CATSPERE: variants seen among roughly 807,000 people sequenced by gnomAD.
CATSPERE encodes cation channel sperm-associated auxiliary subunit epsilon.
Under a neutral mutation model 114.1 loss-of-function variants are expected in CATSPERE, and 93 were observed. The ratio of observed to expected loss-of-function variants is 0.81; its 90% confidence interval spans 0.69 to 0.97. CATSPERE has a LOEUF of 0.97. Among genes scored for constraint, CATSPERE ranks in the 50% least tolerant of loss-of-function variants. The pLI, the probability that CATSPERE is intolerant of heterozygous loss-of-function variation, is 0.00. For synonymous variants in CATSPERE, 341 were observed against 384.1 expected, an observed-to-expected ratio of 0.89 and a Z score of 1.31; for missense variants, 1,058 against 1,131.6, an observed-to-expected ratio of 0.93 and a Z score of 0.93.
upstream of CATSPERE, among the ~76,000 whole-genome samples, chr1:244,453,224 C>G (rs534406628): frequency 1.3e-5 from 2 of 152,300 alleles, no homozygotes; most frequent in Admixed American, 1.3e-4. Flanking sequence ...TACAAGATCA[C>G]AAACATTTTG....
At chr1:244,622,761 C>T (rs368598160) in intron 20 of CATSPERE, among the ~76,000 whole-genome samples, 1 of 152,250 alleles carries the variant, frequency 6.6e-6, no homozygotes, top group Non-Finnish European at 1.5e-5. Context: ...GGGAGAAACA[C>T]CTCCAAATCT....
intron 20 of CATSPERE, among the ~76,000 whole-genome samples, chr1:244,619,176 TAAC>T (rs1408823690): frequency 6.6e-6 from 1 of 152,194 alleles, no homozygotes; most frequent in African/African-American, 2.4e-5. Context: ...GATAAAAAGT[TAAC>T]AATACGGATG....
At chr1:244,588,193 C>CAAAAAAAAA (rs34464391) in intron 13 of CATSPERE, among the ~76,000 whole-genome samples, 1 of 107,984 alleles carries the variant, frequency 9.3e-6, no homozygotes, top group African/African-American at 3.5e-5. Flanking sequence ...GACTTCATCT[C>CAAAAAAAAA]AAAAAAAAAA....
chr1:244,621,315 AATATATATATATAT>A (rs201672348), intron 20 of CATSPERE, among the ~76,000 whole-genome samples: 313 of 26,332 alleles, frequency 0.012, 23 homozygotes, highest in Middle Eastern at 0.029. Context: ...AAATATATAA[AATATATATATATAT>A]ATATATATAT....
chr1:244,570,572 TTC>T (rs1271114036), intron 10 of CATSPERE, among the ~76,000 whole-genome samples: 1 of 152,248 alleles, frequency 6.6e-6, no homozygotes, highest in African/African-American at 2.4e-5. Flanking sequence ...CTATGAATTT[TTC>T]TCTGTGTGGC....
chr1:244,464,804 G>A (rs1388550181), intron 2 of CATSPERE, among the ~76,000 whole-genome samples: 3 of 151,846 alleles, frequency 2.0e-5, no homozygotes, highest in African/African-American at 4.8e-5. Context: ...TCTATTACCT[G>A]TTCATACCCT....
chr1:244,617,527 A>G lies in CATSPERE; in HGVS notation c.2491-2A>G. On this transcript the variant is annotated splice_acceptor_variant, in intron 19 of 21. Transcript: ENST00000366534. LOFTEE classifies it high-confidence loss of function. ...AAATTTTTGTCTTTGTTTCTTGTTC[A>G]GAACTATAAACACTGTTTTTCTTAT... 8 of 1,492,646 alleles carry G rather than the reference A, an allele frequency of 5.4e-6. No individual in the cohort carries two copies. The highest frequency in any genetic ancestry group is 7.1e-6 in the Non-Finnish European group (8 of 1,127,336). 92.5% of individuals were successfully genotyped at this position (1,492,646 alleles called of 1,614,324 possible).
chr1:244,584,818 C>A (rs150905696), intron 13 of CATSPERE, among the ~76,000 whole-genome samples: 1 of 152,116 alleles, frequency 6.6e-6, no homozygotes, highest in Non-Finnish European at 1.5e-5. Context: ...CTGAGGCAGA[C>A]GTGATCCATC....
chr1:244,462,491 G>A (rs1312170966), intron 1 of CATSPERE, among the ~76,000 whole-genome samples: 1 of 152,070 alleles, frequency 6.6e-6, no homozygotes, highest in Non-Finnish European at 1.5e-5. Flanking sequence ...GCCAGGAAAG[G>A]TCATTTCATC....
At chr1:244,617,784 T>G in intron 20 of CATSPERE, 98 bp downstream of exon 20, 1 of 1,063,488 alleles carries the variant, frequency 9.4e-7, no homozygotes, top group Non-Finnish European at 1.3e-6. Context: ...ATTGTTATTC[T>G]TGTTATTTAC....
At position 244,594,859 on chromosome 1, in the gene CATSPERE, G is replaced by A. The variant is rs150396563; in HGVS notation, c.2303+1281G>A. ...TGGCACTTCTAAGACTCTACCATGT[G>A]CCCTTTCCATCTTAAATCATACTCC... On this transcript the variant is annotated intron_variant, in intron 17 of 21. Transcript: ENST00000366534. 1.4e-3 allele frequency among the ~76,000 whole-genome samples: 213 copies of A among 152,238 alleles called. No homozygotes were observed. In the East Asian group the frequency reaches 0.024, roughly 17 times the overall value.
At chr1:244,520,617 T>G (rs899681420) in intron 8 of CATSPERE, among the ~76,000 whole-genome samples, 5 of 150,860 alleles carry the variant, frequency 3.3e-5, no homozygotes, top group Non-Finnish European at 7.4e-5. Flanking sequence ...CTGTGTGGAG[T>G]CTCGGCAGAG....
intron 7 of CATSPERE, among the ~76,000 whole-genome samples, chr1:244,511,405 T>A (rs1460725333): frequency 1.3e-5 from 2 of 152,206 alleles, no homozygotes; most frequent in South Asian, 2.1e-4. Flanking sequence ...TGTTTTTTTT[T>A]AATCCATTCA....
At chr1:244,579,275 C>G (rs531042765) in intron 11 of CATSPERE, among the ~76,000 whole-genome samples, 1 of 152,270 alleles carries the variant, frequency 6.6e-6, no homozygotes, top group East Asian at 1.9e-4. Flanking sequence ...TGGTTTATTA[C>G]TGCACCTTTA....
intron 2 of CATSPERE, among the ~76,000 whole-genome samples, chr1:244,475,126 A>G (rs1669103268): frequency 1.3e-5 from 2 of 150,580 alleles, no homozygotes; most frequent in South Asian, 2.1e-4. Context: ...ATAAATTTCT[A>G]TTTTTTCTCT....
intron 1 of CATSPERE, among the ~76,000 whole-genome samples, chr1:244,462,730 ATG>A (rs1474459391): frequency 6.6e-6 from 1 of 152,130 alleles, no homozygotes; most frequent in African/African-American, 2.4e-5. Flanking sequence ...TATACAGAAA[ATG>A]TGTTTCATTA....
chr1:244,451,862 A>G, upstream of CATSPERE: 1 of 1,502,402 alleles, frequency 6.7e-7, no homozygotes, highest in Non-Finnish European at 8.9e-7. The surrounding 1 kb of genome is among the most constrained non-coding windows in gnomAD (Gnocchi z 6.6). Context: ...GCGGCCGGCG[A>G]GGAGTGAGCG....
chr1:244,502,897 G>T (rs1308240553), intron 7 of CATSPERE, among the ~76,000 whole-genome samples: 1 of 152,138 alleles, frequency 6.6e-6, no homozygotes, highest in African/African-American at 2.4e-5. Flanking sequence ...GGAGAGAAAG[G>T]TTCCCATCCC....
At chr1:244,553,598 A>T (rs933879778) in intron 9 of CATSPERE, among the ~76,000 whole-genome samples, 21 of 72,368 alleles carry the variant, frequency 2.9e-4, no homozygotes, top group African/African-American at 1.0e-3. Context: ...AAAAAAAAAA[A>T]AAATACACAC....
Sources: allele counts gnomAD v4.1 joint callset (sites outside exome capture counted in the v4.1 genomes callset), GRCh38; gene constraint gnomAD v4.1.1; non-coding constraint Gnocchi (gnomAD v3.1); transcripts MANE v1.5; gene names NCBI Gene and HGNC (gene_info 2026-07-23, HGNC 2026-07-21).